The following CENPP variants were observed in gnomAD, a reference collection of about 807,000 sequenced individuals.
The protein encoded by CENPP is centromere protein P.
CENPP carries 24 observed loss-of-function variants against 35.6 expected under a neutral mutation model. The observed-to-expected ratio is 0.67, with a 90% CI of 0.49 to 0.95. CENPP has a LOEUF of 0.95. CENPP is among the 40% of genes least tolerant of loss of function. CENPP has a pLI of 0.00. For synonymous variants in CENPP, 120 were observed against 125.5 expected (o/e 0.96, Z 0.29); for missense variants, 332 against 345.3 (o/e 0.96, Z 0.31).
chr9:92,359,952 G>T (rs963220376), intron 4 of CENPP, among the ~76,000 whole-genome samples: 1 of 152,040 alleles, frequency 6.6e-6, no homozygotes, highest in African/African-American at 2.4e-5. Context: ...TACCATCCAA[G>T]CCCTTCTCCA....
chr9:92,359,709 G>A (rs1841690549), intron 4 of CENPP, among the ~76,000 whole-genome samples: 1 of 152,090 alleles, frequency 6.6e-6, no homozygotes, highest in African/African-American at 2.4e-5. Flanking sequence ...TACAATGGCT[G>A]CCTGACTCTT....
At chr9:92,344,574 G>A (rs1251719819) in intron 3 of CENPP, among the ~76,000 whole-genome samples, 3 of 151,900 alleles carry the variant, frequency 2.0e-5, no homozygotes, top group Non-Finnish European at 4.4e-5. Context: ...TTGAGACTGA[G>A]TCTCGCTCTG....
At chr9:92,381,330 C>G (rs1026487192) in intron 5 of CENPP, among the ~76,000 whole-genome samples, 6 of 149,814 alleles carry the variant, frequency 4.0e-5, no homozygotes, top group African/African-American at 1.5e-4. Context: ...GTCACCCAGG[C>G]TGGAGTCCAG....
At chr9:92,417,401 A>G (rs771514966) in intron 5 of CENPP, 5 of 1,613,880 alleles carry the variant, frequency 3.1e-6, no homozygotes, top group Non-Finnish European at 4.2e-6. Flanking sequence ...ATGAAAAGGA[A>G]CTCCGTAGTC....
Position 92,611,147 on chromosome 9 carries a change from G to A in CENPP, c.565-167G>A, listed in dbSNP as rs577979750. The A allele has an allele frequency of 1.2e-5, 8 of 645,704 alleles. No individual in the cohort carries two copies. The African/African-American group carries it at 1.3e-4, about 10-fold the overall frequency. 40.0% of individuals were successfully genotyped at this position (645,704 alleles called of 1,614,324 possible). A position where few individuals can be genotyped will look rare whatever the true frequency, so the allele number is the denominator to read the frequency against. Reference sequence around the variant, plus strand: ...CTGTGGAGAGACCTACAGTGGGGCGGACGTGTGTGACAGCAAGGGCAAGAG... The same window carrying A: ...CTGTGGAGAGACCTACAGTGGGGCGAACGTGTGTGACAGCAAGGGCAAGAG... On this transcript the variant is annotated intron_variant, in intron 5 of 7. Coordinates refer to ENST00000375587, the MANE Select transcript of CENPP (RefSeq NM_001012267.3).
intron 5 of CENPP, among the ~76,000 whole-genome samples, chr9:92,524,480 C>T (rs888645879): frequency 6.6e-6 from 1 of 152,192 alleles, no homozygotes; most frequent in African/African-American, 2.4e-5. Flanking sequence ...AAAGGATTCA[C>T]TCAGCCAATC....
At chr9:92,455,224 C>T (rs1180600616) in intron 5 of CENPP, among the ~76,000 whole-genome samples, 3 of 151,932 alleles carry the variant, frequency 2.0e-5, no homozygotes, top group Non-Finnish European at 4.4e-5. Context: ...AAAGTGAGAC[C>T]CTGTCTCCAC....
chr9:92,393,516 A>C (rs1378839799), intron 5 of CENPP, among the ~76,000 whole-genome samples: 1 of 152,220 alleles, frequency 6.6e-6, no homozygotes, highest in Non-Finnish European at 1.5e-5. Context: ...GAAAACCAAA[A>C]AAATTTACAA....
At chr9:92,463,514 G>A (rs1427743184) in intron 5 of CENPP, among the ~76,000 whole-genome samples, 1 of 152,182 alleles carries the variant, frequency 6.6e-6, no homozygotes, top group Non-Finnish European at 1.5e-5. Context: ...TTGCAGTGTA[G>A]GAAAGACTTT....
At chr9:92,570,607 A>G (rs1850111307) in intron 5 of CENPP, among the ~76,000 whole-genome samples, 1 of 152,144 alleles carries the variant, frequency 6.6e-6, no homozygotes, top group African/African-American at 2.4e-5. Context: ...TGAGTTAGGG[A>G]GGATTCCCTG....
chr9:92,470,017 T>C (rs1485435914), intron 5 of CENPP, among the ~76,000 whole-genome samples: 1 of 152,038 alleles, frequency 6.6e-6, no homozygotes, highest in Non-Finnish European at 1.5e-5. Flanking sequence ...TTTATAGAGG[T>C]GGAGTCTTGT....
rs74312812 is a variant in CENPP at position 92,478,880 on chromosome 9, TA to T, written c.564+99032del. Among the ~76,000 whole-genome samples the T allele has an allele frequency of 3.7e-3, 542 of 145,820 alleles. 3 individuals carry two copies. The highest frequency in any genetic ancestry group is 0.012 in the African/African-American group (465 of 39,960). On this transcript the variant is annotated intron_variant, in intron 5 of 7. Coordinates refer to ENST00000375587, the MANE Select transcript of CENPP (RefSeq NM_001012267.3). Reference sequence around the variant, plus strand: ...GTAGAAACAAAAAAACTATGGAACTTAAAAAAAAAAAGTAAAACACCAGGAA... The same window carrying T: ...GTAGAAACAAAAAAACTATGGAACTTAAAAAAAAAAGTAAAACACCAGGAA...
At chr9:92,543,986 A>G (rs1849372840) in intron 5 of CENPP, among the ~76,000 whole-genome samples, 1 of 152,226 alleles carries the variant, frequency 6.6e-6, no homozygotes. Flanking sequence ...CAAACAGAGA[A>G]AATGTACCTT....
chr9:92,429,308 C>G (rs1203554246), intron 5 of CENPP, among the ~76,000 whole-genome samples: 1 of 152,176 alleles, frequency 6.6e-6, no homozygotes. Flanking sequence ...CTGGTGAACT[C>G]ATCAGCAGGC....
At chr9:92,550,136 G>T (rs139327757) in intron 5 of CENPP, among the ~76,000 whole-genome samples, 1 of 152,142 alleles carries the variant, frequency 6.6e-6, no homozygotes. Context: ...GGTGGCTCAC[G>T]CCTACAATCC....
intron 5 of CENPP, among the ~76,000 whole-genome samples, chr9:92,389,046 CTG>C (rs1179894655): frequency 6.6e-6 from 1 of 151,872 alleles, no homozygotes; most frequent in Non-Finnish European, 1.5e-5. Context: ...CAGAATTTAC[CTG>C]TGTGTGATTA....
At chr9:92,390,042 GTCT>G in intron 5 of CENPP, 1 of 1,588,606 alleles carries the variant, frequency 6.3e-7, no homozygotes. Flanking sequence ...GTAAAATCGA[GTCT>G]TCTTAAGTTA....
At chr9:92,474,862 C>T in intron 5 of CENPP, 1 of 1,613,800 alleles carries the variant, frequency 6.2e-7, no homozygotes. Flanking sequence ...TGGCAGAGCA[C>T]AAAGCCAGGA....
chr9:92,336,430 A>G (rs7023004), intron 2 of CENPP, among the ~76,000 whole-genome samples: 67,610 of 151,762 alleles, frequency 0.45, 17,307 homozygotes, highest in African/African-American at 0.7. Flanking sequence ...AAATGAACTT[A>G]CTTCTGGGTT....
Sources: gnomAD v4.1 joint callset for allele counts (sites outside exome capture counted in the v4.1 genomes callset) on GRCh38, gnomAD v4.1.1 for gene constraint, MANE v1.5 for transcripts, NCBI Gene and HGNC (gene_info 2026-07-23, HGNC 2026-07-21) for gene names.